Variants in PTGER3 observed in about 807,000 individuals in gnomAD.
PTGER3 encodes prostaglandin E receptor 3.
PTGER3 carries 22 observed loss-of-function variants against 34.7 expected under a neutral mutation model. The ratio of observed to expected loss-of-function variants is 0.63; its 90% CI spans 0.45 to 0.91. The LOEUF (loss-of-function observed/expected upper bound fraction) is 0.91, where lower values mean the gene tolerates loss of function less well. PTGER3 is among the 40% of genes least tolerant of loss of function. The pLI is 0.00. For missense variants in PTGER3, 468 were observed against 519.4 expected, an observed-to-expected ratio of 0.90 and a Z score of 0.96; for synonymous variants, 241 against 230.1, an observed-to-expected ratio of 1.05 and a Z score of -0.43.
intron 4 of PTGER3, among the ~76,000 whole-genome samples, chr1:70,880,899 A>G (rs1646377785): frequency 7.2e-6 from 1 of 138,448 alleles, no homozygotes; most frequent in African/African-American, 3.0e-5. Flanking sequence ...TGGTTGTCTT[A>G]TATAGTGTCT....
intron 4 of PTGER3, among the ~76,000 whole-genome samples, chr1:70,917,403 T>TTGTGTGTG (rs59163586): frequency 0.044 from 5,986 of 136,276 alleles, 146 homozygotes; most frequent in Non-Finnish European, 0.053. Flanking sequence ...GTATTTTATT[T>TTGTGTGTG]TGTGTGTGTG....
Position 70,981,291 on chromosome 1 carries a change from T to TCTTC in PTGER3, c.1078-6907_1078-6904dup, listed in dbSNP as rs140006481. Among the ~76,000 whole-genome samples, 11 of 80,148 alleles carry TCTTC rather than the reference T, an allele frequency of 1.4e-4. No homozygotes were observed. The East Asian group carries it at 1.4e-3, about 10-fold the overall frequency. 52.6% of individuals were successfully genotyped at this position (80,148 alleles called of 152,430 possible). ...TTTTTCCTTTTCTTTTCTCTCTCTCTCTTCCTTCCTTCCTTCCTTCCTTCC... is the reference window on the plus strand; with the variant it reads ...TTTTTCCTTTTCTTTTCTCTCTCTCTCTTCCTTCCTTCCTTCCTTCCTTCCTTCC... On this transcript the variant is annotated intron_variant, in intron 2 of 3. Transcript: ENST00000306666.
intron 1 of PTGER3, among the ~76,000 whole-genome samples, chr1:71,033,485 C>G (rs551436478): frequency 7.9e-5 from 12 of 152,320 alleles, no homozygotes; most frequent in Admixed American, 2.6e-4. Context: ...CACTAGACTT[C>G]TAGTTTATTT....
intron 1 of PTGER3, among the ~76,000 whole-genome samples, chr1:71,038,884 G>C (rs1409640162): frequency 4.6e-5 from 7 of 152,196 alleles, no homozygotes; most frequent in Non-Finnish European, 1.0e-4. Context: ...AAAAGATGAA[G>C]ACAACTGAGG....
chr1:70,939,159 G>A (rs1436901097), intron 4 of PTGER3, among the ~76,000 whole-genome samples: 2 of 152,188 alleles, frequency 1.3e-5, no homozygotes, highest in Non-Finnish European at 2.9e-5. Flanking sequence ...AACCGTGCAA[G>A]TCCAAAATCC....
intron 2 of PTGER3, among the ~76,000 whole-genome samples, chr1:70,987,390 CA>C (rs1239579938): frequency 2.0e-5 from 3 of 152,060 alleles, no homozygotes; most frequent in African/African-American, 7.2e-5. Flanking sequence ...CAGTTTTTTA[CA>C]AGGTAAATTA....
intron 4 of PTGER3, among the ~76,000 whole-genome samples, chr1:70,926,396 G>C (rs28502040): frequency 6.6e-6 from 1 of 151,990 alleles, no homozygotes; most frequent in Admixed American, 6.6e-5. Flanking sequence ...GGTCCTTCAC[G>C]TCCCTTGTAA....
chr1:70,868,244 T>C (rs1557615752), intron 4 of PTGER3, among the ~76,000 whole-genome samples: 1 of 152,148 alleles, frequency 6.6e-6, no homozygotes, highest in East Asian at 1.9e-4. Flanking sequence ...TCCTCTGTGA[T>C]GCCCACCTTC....
At position 70,929,572 on chromosome 1, in the gene PTGER3, G is replaced by A. The variant is rs557794274; in HGVS notation, c.*23+24191C>T. ...TAACATTGCTTTTACCCTAAAACAGGTCTCTCTGAGCAGTGTTTATATTCA... is the reference window on the plus strand; with the variant it reads ...TAACATTGCTTTTACCCTAAAACAGATCTCTCTGAGCAGTGTTTATATTCA... On this transcript the variant is annotated intron_variant, in intron 4 of 4. Transcript: ENST00000370931. 5.3e-5 allele frequency among the ~76,000 whole-genome samples: 8 copies of A among 152,200 alleles called. No homozygotes were observed. The South Asian group carries it at 1.7e-3, about 32-fold the overall frequency.
At chr1:70,938,733 G>A (rs770122825) in intron 4 of PTGER3, among the ~76,000 whole-genome samples, 2 of 152,120 alleles carry the variant, frequency 1.3e-5, no homozygotes, top group Admixed American at 1.3e-4. Flanking sequence ...GATCTCATGA[G>A]ATTTATTCAC....
chr1:71,041,455 C>T (rs1433822077), intron 1 of PTGER3, among the ~76,000 whole-genome samples: 1 of 152,146 alleles, frequency 6.6e-6, no homozygotes, highest in Non-Finnish European at 1.5e-5. Flanking sequence ...TCCTTTCACA[C>T]CATCATGAAG....
At position 70,970,916 on chromosome 1, in the gene PTGER3, G is replaced by T; in HGVS notation, c.*814C>A. ...TGCCTTTGTATATGCTGCCAGAAAA[G>T]AAATATTAAGAAATCCTGACTTGGT... On this transcript the variant is annotated 3_prime_UTR_variant, in exon 4 of 4. Transcript: ENST00000306666. 1 of 985,250 alleles carries T rather than the reference G, an allele frequency of 1.0e-6. No individual in the cohort carries two copies. 61.0% of individuals were successfully genotyped at this position (985,250 alleles called of 1,614,324 possible).
chr1:70,985,697 G>A (rs569259705), intron 2 of PTGER3, among the ~76,000 whole-genome samples: 76 of 152,260 alleles, frequency 5.0e-4, no homozygotes, highest in Non-Finnish European at 6.2e-4. Context: ...GCCTTTGCTC[G>A]CTAGAAGCAG....
intron 4 of PTGER3, among the ~76,000 whole-genome samples, chr1:70,928,312 CA>C (rs112676930): frequency 0.017 from 2,323 of 135,706 alleles, 64 homozygotes; most frequent in African/African-American, 0.056. Context: ...CCTTTGATTA[CA>C]AAAAAAAAAA....
At chr1:70,890,177 A>G (rs1341957885) in intron 4 of PTGER3, among the ~76,000 whole-genome samples, 1 of 152,208 alleles carries the variant, frequency 6.6e-6, no homozygotes, top group African/African-American at 2.4e-5. Context: ...TGAGCATTCA[A>G]CAGACAGCAA....
chr1:70,896,834 T>C (rs1384376084), intron 4 of PTGER3, among the ~76,000 whole-genome samples: 1 of 152,138 alleles, frequency 6.6e-6, no homozygotes, highest in African/African-American at 2.4e-5. Context: ...CTCCTTGACA[T>C]AGCAGAGTAC....
chr1:71,041,550 A>C (rs1453272177), intron 1 of PTGER3, among the ~76,000 whole-genome samples: 2 of 152,060 alleles, frequency 1.3e-5, no homozygotes, highest in Admixed American at 6.6e-5. Flanking sequence ...TATAAGAGGA[A>C]CCCCCCCAAA....
At chr1:70,953,431 G>A (rs193201334) in intron 3 of PTGER3, among the ~76,000 whole-genome samples, 1 of 152,252 alleles carries the variant, frequency 6.6e-6, no homozygotes, top group East Asian at 1.9e-4. Context: ...GTGCAGTGGA[G>A]TCTAGTGATG....
At chr1:70,875,302 A>G (rs953297126) in intron 4 of PTGER3, among the ~76,000 whole-genome samples, 5 of 152,212 alleles carry the variant, frequency 3.3e-5, no homozygotes, top group African/African-American at 1.2e-4. Flanking sequence ...TGCTGTTGAC[A>G]TTAAAATTAA....
Sources: gnomAD v4.1 joint callset for allele counts (sites outside exome capture counted in the v4.1 genomes callset) on GRCh38, gnomAD v4.1.1 for gene constraint, MANE v1.5 for transcripts, NCBI Gene and HGNC (gene_info 2026-07-23, HGNC 2026-07-21) for gene names.